DESI2: variants seen among roughly 807,000 people sequenced by gnomAD.
The protein encoded by DESI2 is deubiquitinase DESI2.
A neutral mutation model predicts 24.1 loss-of-function variants in DESI2; 10 were observed. The observed-to-expected ratio is 0.41, with a 90% CI of 0.26 to 0.70. The LOEUF is 0.70. DESI2 is among the 30% of genes least tolerant of loss of function. The probability of loss-of-function intolerance (pLI) is 0.29; values close to 1 mark genes in which losing one functional copy is unlikely to be tolerated. For synonymous variants in DESI2, 71 were observed against 87.7 expected (o/e 0.81, Z 1.06); for missense variants, 122 against 234.9 (o/e 0.52, Z 3.14).
At chr1:244,701,083 G>A (rs1677432575) in intron 4 of DESI2, among the ~76,000 whole-genome samples, 1 of 152,000 alleles carries the variant, frequency 6.6e-6, no homozygotes, top group African/African-American at 2.4e-5. Flanking sequence ...GCACAAGAAG[G>A]AATCAACATT....
intron 4 of DESI2, among the ~76,000 whole-genome samples, chr1:244,701,960 A>G (rs976667387): frequency 6.6e-6 from 1 of 152,158 alleles, no homozygotes; most frequent in South Asian, 2.1e-4. Context: ...TTACCACTAT[A>G]TGTGTACGCT....
In DESI2 at chr1:244,708,263, G is replaced by A. The variant is rs2148823851; in HGVS notation, c.*2474G>A. ...GGGTTGGACAGTAATACATGTTAGAGGGTCAGAAGCTTCTGGTTTCTGCTG... is the reference window on the plus strand; with the variant it reads ...GGGTTGGACAGTAATACATGTTAGAAGGTCAGAAGCTTCTGGTTTCTGCTG... On this transcript the variant is annotated 3_prime_UTR_variant, in exon 5 of 5. Coordinates refer to ENST00000302550, the MANE Select transcript of DESI2 (RefSeq NM_016076.5). 6.5e-6 allele frequency: 1 copy of A among 152,674 alleles called. No homozygotes were observed. The highest frequency in any genetic ancestry group is 2.1e-4 in the South Asian group (1 of 4,816). 9.5% of individuals were successfully genotyped at this position (152,674 alleles called of 1,614,324 possible).
intron 1 of DESI2, among the ~76,000 whole-genome samples, chr1:244,658,023 C>G (rs530454404): frequency 4.6e-5 from 7 of 152,140 alleles, no homozygotes; most frequent in Non-Finnish European, 7.4e-5. Context: ...CCTATGATGT[C>G]TGTCACATAT....
intron 1 of DESI2, among the ~76,000 whole-genome samples, chr1:244,659,250 T>G (rs79861108): frequency 6.6e-6 from 1 of 152,136 alleles, no homozygotes; most frequent in African/African-American, 2.4e-5. Context: ...TCCATACATA[T>G]GTACATTTGT....
At chr1:244,657,604 T>C (rs1173746817) in intron 1 of DESI2, among the ~76,000 whole-genome samples, 1 of 152,220 alleles carries the variant, frequency 6.6e-6, no homozygotes, top group Non-Finnish European at 1.5e-5. Flanking sequence ...GGAAGGATAC[T>C]TAAGTCCAGA....
chr1:244,677,651 A>G (rs1450119171), intron 1 of DESI2, among the ~76,000 whole-genome samples: 1 of 152,218 alleles, frequency 6.6e-6, no homozygotes, highest in African/African-American at 2.4e-5. Context: ...GGCATGGCTC[A>G]CACCTGTAAT....
intron 1 of DESI2, among the ~76,000 whole-genome samples, chr1:244,686,057 ATGT>A (rs1676804655): frequency 6.6e-6 from 1 of 152,212 alleles, no homozygotes; most frequent in South Asian, 2.1e-4. Context: ...AGAAGTAAGA[ATGT>A]TGTTCTAACC....
intron 1 of DESI2, among the ~76,000 whole-genome samples, chr1:244,663,907 G>A (rs191466874): frequency 1.2e-3 from 178 of 151,504 alleles, no homozygotes; most frequent in African/African-American, 3.8e-3. Context: ...AGTCCCAGCT[G>A]CTCGGGAGGC....
At chr1:244,661,383 A>G (rs1249091806) in intron 1 of DESI2, among the ~76,000 whole-genome samples, 1 of 152,154 alleles carries the variant, frequency 6.6e-6, no homozygotes, top group Non-Finnish European at 1.5e-5. Flanking sequence ...CTGTGTATGT[A>G]TATGCCACAG....
chr1:244,664,587 A>T (rs182266947), intron 1 of DESI2, among the ~76,000 whole-genome samples: 2 of 152,322 alleles, frequency 1.3e-5, no homozygotes, highest in African/African-American at 4.8e-5. Context: ...GATTCCAGCT[A>T]CTTAAGGGAC....
intron 4 of DESI2, among the ~76,000 whole-genome samples, chr1:244,703,935 A>G (rs1039094136): frequency 6.6e-6 from 1 of 152,138 alleles, no homozygotes; most frequent in Non-Finnish European, 1.5e-5. Context: ...TGGGAATTAC[A>G]GGTGTGAGCC....
At chr1:244,678,579 T>C (rs1419044034) in intron 1 of DESI2, among the ~76,000 whole-genome samples, 2 of 152,208 alleles carry the variant, frequency 1.3e-5, no homozygotes, top group East Asian at 3.8e-4. Context: ...TGGGTTCCTG[T>C]TATGGAAATT....
At position 244,698,840 on chromosome 1, in the gene DESI2, G is replaced by A. The variant is rs974177141; in HGVS notation, c.352-6716G>A. 9.9e-5 allele frequency among the ~76,000 whole-genome samples: 15 copies of A among 152,206 alleles called. 1 individual carries two copies. The highest frequency in any genetic ancestry group is 2.2e-4 in the African/African-American group (9 of 41,450). ...ACCGGCTTCTCTGGTGGGACCATAC[G>A]AAGTCGAACTGCTGATCTGTTCTGT... On this transcript the variant is annotated intron_variant, in intron 4 of 4. Coordinates refer to ENST00000302550, the MANE Select transcript of DESI2 (RefSeq NM_016076.5).
chr1:244,661,295 TAGC>T (rs1241618706), intron 1 of DESI2, among the ~76,000 whole-genome samples: 6 of 152,254 alleles, frequency 3.9e-5, no homozygotes, highest in African/African-American at 1.4e-4. Flanking sequence ...TTATTTCACT[TAGC>T]ATAGTCCTCA....
intron 4 of DESI2, chr1:244,694,582 T>TA: frequency 1.2e-6 from 1 of 823,078 alleles, no homozygotes; most frequent in South Asian, 1.3e-5. Context: ...GCACTGCCGT[T>TA]ATACTTTCTC....
intron 4 of DESI2, among the ~76,000 whole-genome samples, chr1:244,700,568 T>C (rs1485132842): frequency 2.0e-5 from 3 of 152,158 alleles, no homozygotes; most frequent in Non-Finnish European, 4.4e-5. Flanking sequence ...AACTTTTATC[T>C]GGGCATTCAG....
chr1:244,657,035 A>G (rs1573172845), intron 1 of DESI2, among the ~76,000 whole-genome samples: 1 of 152,232 alleles, frequency 6.6e-6, no homozygotes, highest in South Asian at 2.1e-4. Context: ...AGCGTCCCAA[A>G]GTTCTGGGAT....
chr1:244,667,154 A>C (rs1676075508), intron 1 of DESI2, among the ~76,000 whole-genome samples: 1 of 152,172 alleles, frequency 6.6e-6, no homozygotes, highest in Non-Finnish European at 1.5e-5. Context: ...CCTTCTTAGC[A>C]GTCCCCTAAA....
At chr1:244,690,396 T>G (rs1403173828) in intron 3 of DESI2, among the ~76,000 whole-genome samples, 2 of 152,074 alleles carry the variant, frequency 1.3e-5, no homozygotes, top group East Asian at 3.9e-4. Flanking sequence ...ATTCCTTAAT[T>G]GAGGTTTGTA....
Sources: allele counts gnomAD v4.1 joint callset (sites outside exome capture counted in the v4.1 genomes callset), GRCh38; gene constraint gnomAD v4.1.1; transcripts MANE v1.5; gene names NCBI Gene and HGNC (gene_info 2026-07-23, HGNC 2026-07-21).